TBC1D5: variants seen among roughly 807,000 people sequenced by gnomAD.
The protein encoded by TBC1D5 is TBC1 domain family member 5.
Under a neutral mutation model 100.3 loss-of-function variants are expected in TBC1D5, and 75 were observed. The observed-to-expected ratio is 0.75, with a 90% CI of 0.62 to 0.91. The LOEUF is 0.91. Among genes scored for constraint, TBC1D5 ranks in the 40% least tolerant of loss-of-function variants. TBC1D5 has a pLI of 0.00. For missense variants in TBC1D5, 910 were observed against 942.4 expected, an observed-to-expected ratio of 0.97 and a Z score of 0.45; for synonymous variants, 323 against 325.6, an observed-to-expected ratio of 0.99 and a Z score of 0.09.
intron 7 of TBC1D5, among the ~76,000 whole-genome samples, chr3:17,404,180 G>A (rs1261788056): frequency 6.6e-6 from 1 of 152,008 alleles, no homozygotes; most frequent in Non-Finnish European, 1.5e-5. Context: ...GCAAAAATTA[G>A]AGCACTCATA....
chr3:17,582,898 T>C lies in TBC1D5; in HGVS notation c.-36+40951A>G, dbSNP rs950545994. Among the ~76,000 whole-genome samples, 13 of 152,232 alleles carry C rather than the reference T, an allele frequency of 8.5e-5. No homozygotes were observed. In the South Asian group the frequency reaches 1.0e-3, roughly 12 times the overall value. On this transcript the variant is annotated intron_variant, in intron 2 of 21. Transcript: ENST00000253692. ...AACCTTTTATTCTGGGAAAAATATG[T>C]TCACTGGTCAGGTAATTCTGGAGAG...
chr3:17,302,892 G>A (rs1273376514), intron 14 of TBC1D5, among the ~76,000 whole-genome samples: 1 of 152,168 alleles, frequency 6.6e-6, no homozygotes, highest in African/African-American at 2.4e-5. Context: ...AAGTGTAACT[G>A]AACATCCCCA....
intron 1 of TBC1D5, among the ~76,000 whole-genome samples, chr3:17,651,833 C>T (rs551271881): frequency 4.6e-5 from 7 of 151,990 alleles, no homozygotes; most frequent in Non-Finnish European, 4.4e-5. Flanking sequence ...AACTTAAAAC[C>T]CAAGCCAGTG....
At chr3:17,470,873 A>T (rs917588822) in intron 3 of TBC1D5, among the ~76,000 whole-genome samples, 2 of 152,132 alleles carry the variant, frequency 1.3e-5, no homozygotes, top group African/African-American at 4.8e-5. Context: ...GTGAGCCAAG[A>T]TCGCACCACT....
rs118181944 is a variant in TBC1D5, at chr3:17,395,978, T to G, written c.509+7203A>C. On this transcript the variant is annotated intron_variant, in intron 8 of 21. Coordinates refer to ENST00000253692, the Ensembl canonical transcript of TBC1D5. ...TTTTGCTTTTATCTTAAGTGTCAAA[T>G]GAGGAAGGACTACAGGCCATTTGAC... Among the ~76,000 whole-genome samples, 77 of 152,246 alleles carry G rather than the reference T, an allele frequency of 5.1e-4. No individual in the cohort carries two copies. In the East Asian group the frequency reaches 0.013, roughly 25 times the overall value.
At chr3:17,683,270 C>A (rs1424085906) in intron 1 of TBC1D5, among the ~76,000 whole-genome samples, 2 of 151,080 alleles carry the variant, frequency 1.3e-5, no homozygotes, top group African/African-American at 2.5e-5. Context: ...CATGTGTGAC[C>A]CTGATAACAT....
intron 2 of TBC1D5, among the ~76,000 whole-genome samples, chr3:17,570,576 G>A (rs2096620766): frequency 6.6e-6 from 1 of 151,968 alleles, no homozygotes; most frequent in Admixed American, 6.6e-5. Flanking sequence ...TTTACTGTAT[G>A]TATTGTATCA....
Position 17,522,379 on chromosome 3 carries a change from A to G in TBC1D5, c.-35-13774T>C, listed in dbSNP as rs927754214. Among the ~76,000 whole-genome samples, 3 of 152,272 alleles carry G rather than the reference A, an allele frequency of 2.0e-5. No homozygotes were observed. The East Asian group carries it at 5.8e-4, about 29-fold the overall frequency. ...CTCAAAATGGGAATAAACTATTTCA[A>G]TTTCATTTGCATAAGAGGGAAAGAC... On this transcript the variant is annotated intron_variant, in intron 2 of 21. Coordinates refer to ENST00000253692, the Ensembl canonical transcript of TBC1D5.
chr3:17,452,214 T>A (rs2094944428), intron 3 of TBC1D5, among the ~76,000 whole-genome samples: 2 of 149,012 alleles, frequency 1.3e-5, no homozygotes, highest in Non-Finnish European at 1.5e-5. Context: ...CCAGAGAAAA[T>A]CAACTTCGCT....
Position 17,596,124 on chromosome 3 carries a change from A to G in TBC1D5, c.-36+27725T>C, listed in dbSNP as rs541717251. 3.3e-5 allele frequency among the ~76,000 whole-genome samples: 5 copies of G among 152,162 alleles called. No homozygotes were observed. The South Asian group carries it at 1.0e-3, about 31-fold the overall frequency. On this transcript the variant is annotated intron_variant, in intron 2 of 21. Coordinates refer to ENST00000253692, the Ensembl canonical transcript of TBC1D5. ...ACTTCCATCCTTTCCCCATGTGGAAAAAAAGGGGTTCCATCAGAAAAGTCA... is the reference window on the plus strand; with the variant it reads ...ACTTCCATCCTTTCCCCATGTGGAAGAAAAGGGGTTCCATCAGAAAAGTCA...
chr3:17,592,555 G>A lies in TBC1D5; in HGVS notation c.-36+31294C>T, dbSNP rs116554517. Among the ~76,000 whole-genome samples, 530 of 152,312 alleles carry A rather than the reference G, an allele frequency of 3.5e-3. 4 individuals are homozygous for A. Among genetic ancestry groups the A allele is most frequent in the African/African-American group, 0.012 (502 of 41,560 alleles). On this transcript the variant is annotated intron_variant, in intron 2 of 21. Coordinates refer to ENST00000253692, the Ensembl canonical transcript of TBC1D5. ...TAGTGGATCTATTTGGATTTTGGAG[G>A]CAATACATTCCTCATCTGGGTTTGT...
intron 9 of TBC1D5, among the ~76,000 whole-genome samples, chr3:17,377,113 T>C (rs1442398986): frequency 6.6e-6 from 1 of 152,076 alleles, no homozygotes. Flanking sequence ...TGTTGGATAA[T>C]AAAAGAAACA....
chr3:17,354,177 T>C (rs2090956668), intron 13 of TBC1D5, among the ~76,000 whole-genome samples: 1 of 152,044 alleles, frequency 6.6e-6, no homozygotes, highest in Non-Finnish European at 1.5e-5. Context: ...CAAAAGGATA[T>C]AAGAAAGCTA....
chr3:17,252,939 A>G (rs1452883957), intron 16 of TBC1D5, among the ~76,000 whole-genome samples: 1 of 152,230 alleles, frequency 6.6e-6, no homozygotes, highest in African/African-American at 2.4e-5. Flanking sequence ...GTGGTATCTC[A>G]CATAAACCTA....
chr3:17,522,005 T>C (rs2153323817), intron 2 of TBC1D5, among the ~76,000 whole-genome samples: 1 of 152,184 alleles, frequency 6.6e-6, no homozygotes, highest in East Asian at 1.9e-4. Flanking sequence ...AGTATAAATA[T>C]GCAAATGTTC....
intron 1 of TBC1D5, among the ~76,000 whole-genome samples, chr3:17,667,711 C>T (rs1470109523): frequency 6.6e-6 from 1 of 152,122 alleles, no homozygotes; most frequent in Non-Finnish European, 1.5e-5. Flanking sequence ...CTCAACCTCC[C>T]ATAGTGCTGG....
intron 3 of TBC1D5, among the ~76,000 whole-genome samples, chr3:17,450,620 G>C (rs2094903812): frequency 6.6e-6 from 1 of 152,096 alleles, no homozygotes; most frequent in Admixed American, 6.5e-5. Flanking sequence ...CGATCAAGTG[G>C]AAGAAAGGAT....
chr3:17,408,235 A>G (rs2093825161), intron 4 of TBC1D5, among the ~76,000 whole-genome samples: 1 of 151,632 alleles, frequency 6.6e-6, no homozygotes, highest in Non-Finnish European at 1.5e-5. Flanking sequence ...TGAGAATTTC[A>G]AAAATACATG....
chr3:17,205,041 T>A (rs1472015761), intron 18 of TBC1D5, among the ~76,000 whole-genome samples: 1 of 152,236 alleles, frequency 6.6e-6, no homozygotes, highest in Non-Finnish European at 1.5e-5. Flanking sequence ...AATGTATGTT[T>A]CAAATATCCA....
Sources: gnomAD v4.1 joint callset for allele counts (sites outside exome capture counted in the v4.1 genomes callset) on GRCh38, gnomAD v4.1.1 for gene constraint, MANE v1.5 for transcripts, NCBI Gene and HGNC (gene_info 2026-07-23, HGNC 2026-07-21) for gene names.